The following CYRIB variants were observed in gnomAD, a reference collection of about 807,000 sequenced individuals.
CYRIB encodes CYFIP related Rac1 interactor B.
In CYRIB, 8 loss-of-function variants were observed where a neutral mutation model predicts 44.2. The ratio of observed to expected loss-of-function variants is 0.18; its 90% confidence interval spans 0.11 to 0.33. CYRIB has a LOEUF of 0.33. CYRIB is among the 10% of genes least tolerant of loss of function. The pLI, the probability that CYRIB is intolerant of heterozygous loss-of-function variation, is 1.00. For synonymous variants in CYRIB, 131 were observed against 127.2 expected (o/e 1.03, Z -0.20); for missense variants, 185 against 382.8 (o/e 0.48, Z 4.31).
chr8:129,970,401 G>A (rs1348279629), intron 2 of CYRIB: 1 of 150,362 alleles, frequency 6.7e-6, no homozygotes. Flanking sequence ...GACTACATTA[G>A]TTAAGAGCAC....
chr8:129,963,703 C>T (rs1397828600), intron 2 of CYRIB, among the ~76,000 whole-genome samples: 2 of 152,142 alleles, frequency 1.3e-5, no homozygotes, highest in Non-Finnish European at 1.5e-5. Context: ...CACAGAAGGG[C>T]GATGATACTT....
intron 1 of CYRIB, among the ~76,000 whole-genome samples, chr8:130,004,214 G>A (rs892672366): frequency 3.3e-5 from 5 of 152,116 alleles, no homozygotes; most frequent in African/African-American, 7.2e-5. Context: ...AGCACATTCC[G>A]AAGATGCCCT....
chr8:129,989,480 A>G (rs2096567202), intron 1 of CYRIB, among the ~76,000 whole-genome samples: 1 of 152,120 alleles, frequency 6.6e-6, no homozygotes, highest in Non-Finnish European at 1.5e-5. Context: ...ATCAACACGT[A>G]AGGGGCACTC....
At chr8:129,998,423 G>A (rs2133774869) in intron 1 of CYRIB, among the ~76,000 whole-genome samples, 1 of 152,312 alleles carries the variant, frequency 6.6e-6, no homozygotes, top group South Asian at 2.1e-4. Flanking sequence ...AGATCAAAGA[G>A]AGCAAAGGAG....
chr8:129,987,570 T>C (rs1030515363), intron 1 of CYRIB, among the ~76,000 whole-genome samples: 1 of 52,704 alleles, frequency 1.9e-5, no homozygotes, highest in African/African-American at 2.5e-4. Context: ...TTTTTTTTCT[T>C]TTTTTTTTTT....
At chr8:129,953,731 C>T (rs916711223) in intron 2 of CYRIB, among the ~76,000 whole-genome samples, 2 of 152,160 alleles carry the variant, frequency 1.3e-5, no homozygotes, top group Admixed American at 1.3e-4. Flanking sequence ...TAGGTTTTAA[C>T]GCTACTGTGA....
intron 1 of CYRIB, among the ~76,000 whole-genome samples, chr8:129,937,617 C>A (rs1198474239): frequency 6.6e-6 from 1 of 152,204 alleles, no homozygotes; most frequent in Non-Finnish European, 1.5e-5. Context: ...ACTGCATTCA[C>A]TTAGTTTTAC....
At chr8:129,979,007 G>T (rs2096085103) in intron 1 of CYRIB, among the ~76,000 whole-genome samples, 1 of 151,990 alleles carries the variant, frequency 6.6e-6, no homozygotes, top group Non-Finnish European at 1.5e-5. Context: ...TGGGCGTAGT[G>T]GTGTGTGCCT....
At chr8:129,872,059 A>G (rs1017143793) in intron 3 of CYRIB, among the ~76,000 whole-genome samples, 8 of 152,116 alleles carry the variant, frequency 5.3e-5, no homozygotes, top group Non-Finnish European at 1.2e-4. Context: ...GTCTCAACAT[A>G]TATGATATTA....
chr8:129,850,984 T>G, intron 8 of CYRIB, 70 bp from the exon 11 acceptor site: 1 of 1,024,732 alleles, frequency 9.8e-7, no homozygotes, highest in Non-Finnish European at 1.5e-6. Context: ...AATTTAAAAT[T>G]TAGCGTAATA....
chr8:129,950,968 G>T (rs1040379518), intron 2 of CYRIB, among the ~76,000 whole-genome samples: 1 of 152,208 alleles, frequency 6.6e-6, no homozygotes, highest in African/African-American at 2.4e-5. Flanking sequence ...CAGAAATGAA[G>T]GGTTTGCTCT....
chr8:129,880,832 A>T (rs553723279), intron 2 of CYRIB, among the ~76,000 whole-genome samples: 11 of 152,290 alleles, frequency 7.2e-5, no homozygotes, highest in African/African-American at 2.6e-4. Flanking sequence ...CCATTTTTTT[A>T]AATAATAGGG....
At chr8:129,848,444 A>G (rs1485986594) in intron 10 of CYRIB, among the ~76,000 whole-genome samples, 2 of 152,234 alleles carry the variant, frequency 1.3e-5, no homozygotes, top group African/African-American at 4.8e-5. Flanking sequence ...TTAGAAAACT[A>G]TTTCTAATAC....
At chr8:129,992,149 T>G (rs1359325538) in intron 1 of CYRIB, among the ~76,000 whole-genome samples, 2 of 151,652 alleles carry the variant, frequency 1.3e-5, no homozygotes, top group African/African-American at 4.8e-5. Flanking sequence ...AGCGAGACTC[T>G]GTATCTACAA....
At chr8:129,839,875 T>A (rs186028878) in exon 12 of CYRIB, 19 of 152,178 alleles carry the variant, frequency 1.2e-4, no homozygotes, top group African/African-American at 4.6e-4. Context: ...CGCTGCATCA[T>A]TATTTTTGAT....
Position 129,919,469 on chromosome 8 carries a change from T to C in CYRIB, c.-49-16119A>G, listed in dbSNP as rs548880969. Among the ~76,000 whole-genome samples, 70 of 152,238 alleles carry C rather than the reference T, an allele frequency of 4.6e-4. No individual in the cohort carries two copies. The South Asian group carries it at 0.01, about 22-fold the overall frequency. ...CTGCCCTCATAAAGCTCATAGTCTATGAGATGACATGTAAACAAATTACTA... is the reference window on the plus strand; with the variant it reads ...CTGCCCTCATAAAGCTCATAGTCTACGAGATGACATGTAAACAAATTACTA... On this transcript the variant is annotated intron_variant, in intron 1 of 11. Coordinates refer to ENST00000519824, the Ensembl canonical transcript of CYRIB.
intron 1 of CYRIB, among the ~76,000 whole-genome samples, chr8:129,914,970 A>G (rs371880018): frequency 7.4e-4 from 113 of 152,294 alleles, no homozygotes; most frequent in African/African-American, 2.6e-3. Flanking sequence ...ACCATCGGGC[A>G]CTAGAGAAAT....
chr8:129,997,052 AGGAGGGAGGGAGGGAG>A (rs753735139), intron 1 of CYRIB, among the ~76,000 whole-genome samples: 27 of 97,084 alleles, frequency 2.8e-4, no homozygotes, highest in Admixed American at 5.5e-4. Flanking sequence ...GAAGGAAGGA[AGGAGGGAGGGAGGGAG>A]GGAGGGAGGG....
At chr8:129,867,047 G>C (rs536676597) in intron 4 of CYRIB, among the ~76,000 whole-genome samples, 9 of 152,276 alleles carry the variant, frequency 5.9e-5, no homozygotes, top group Admixed American at 4.6e-4. Context: ...CTAGCACTTT[G>C]GGACGCTGAG....
Sources: gnomAD v4.1 joint callset for allele counts (sites outside exome capture counted in the v4.1 genomes callset) on GRCh38, gnomAD v4.1.1 for gene constraint, MANE v1.5 for transcripts, NCBI Gene and HGNC (gene_info 2026-07-23, HGNC 2026-07-21) for gene names.